The following RTN1 variants were observed in gnomAD, a reference collection of about 807,000 sequenced individuals.
The protein encoded by RTN1 is reticulon 1.
RTN1 carries 25 observed loss-of-function variants against 65.5 expected under a neutral mutation model. That is an observed-to-expected ratio of 0.38 (90% CI 0.28 to 0.53). The LOEUF (loss-of-function observed/expected upper bound fraction) is 0.53, where lower values mean the gene tolerates loss of function less well. RTN1 is among the 20% of genes least tolerant of loss of function. The pLI is 0.79. For synonymous variants in RTN1, 471 were observed against 447.6 expected, an observed-to-expected ratio of 1.05 and a Z score of -0.66; for missense variants, 983 against 1,025.4, an observed-to-expected ratio of 0.96 and a Z score of 0.57.
chr14:59,674,720 G>A (rs557686842), intron 3 of RTN1, among the ~76,000 whole-genome samples: 1 of 152,184 alleles, frequency 6.6e-6, no homozygotes, highest in Admixed American at 6.5e-5. Context: ...TTATACTGTA[G>A]AAAGAAAAAA....
intron 2 of RTN1, among the ~76,000 whole-genome samples, chr14:59,730,189 T>C (rs992433061): frequency 6.6e-6 from 1 of 152,228 alleles, no homozygotes; most frequent in Non-Finnish European, 1.5e-5. Context: ...TGACCTGAAT[T>C]TGAATGCATG....
At chr14:59,837,034 C>CAT (rs71451081) in intron 1 of RTN1, among the ~76,000 whole-genome samples, 1 of 129,054 alleles carries the variant, frequency 7.7e-6, no homozygotes, top group Non-Finnish European at 1.7e-5. Flanking sequence ...TAAGTATGGC[C>CAT]ATATATATAT....
At chr14:59,789,415 A>G (rs1886308051) in intron 1 of RTN1, among the ~76,000 whole-genome samples, 1 of 152,118 alleles carries the variant, frequency 6.6e-6, no homozygotes, top group South Asian at 2.1e-4. Context: ...ATTGAATTTT[A>G]TCAAGTGCCT....
chr14:59,659,580 A>G (rs1196852428), intron 3 of RTN1, among the ~76,000 whole-genome samples: 5 of 152,218 alleles, frequency 3.3e-5, no homozygotes, highest in African/African-American at 1.2e-4. Context: ...AGTGGGGACC[A>G]ATATGCAACA....
rs554766611 is a variant in RTN1 at position 59,830,180 on chromosome 14, T to C, written c.241+40210A>G. ...TCCTTCCTGGAGGCATTACACAGAA[T>C]ATGAATCATTGTGGATAATGCTGGT... On this transcript the variant is annotated intron_variant, in intron 1 of 8. Transcript: ENST00000267484. Among the ~76,000 whole-genome samples the C allele has an allele frequency of 1.3e-3, 194 of 152,326 alleles. 2 individuals carry two copies. The highest frequency in any genetic ancestry group is 3.4e-3 in the Middle Eastern group (1 of 294).
intron 3 of RTN1, among the ~76,000 whole-genome samples, chr14:59,695,621 T>C (rs148561737): frequency 1.3e-5 from 2 of 152,282 alleles, no homozygotes; most frequent in East Asian, 1.9e-4. Context: ...CTACTTCTCA[T>C]TGTAGCCCCT....
chr14:59,747,818 C>T (rs1253926319), intron 1 of RTN1, among the ~76,000 whole-genome samples: 1 of 152,122 alleles, frequency 6.6e-6, no homozygotes, highest in African/African-American at 2.4e-5. Context: ...ACATTACACA[C>T]ACACATATAC....
At chr14:59,691,064 G>C (rs1883950731) in intron 3 of RTN1, among the ~76,000 whole-genome samples, 1 of 152,034 alleles carries the variant, frequency 6.6e-6, no homozygotes, top group Admixed American at 6.6e-5. Flanking sequence ...AAAGCTAGAA[G>C]AGGAAAAGAA....
intron 2 of RTN1, among the ~76,000 whole-genome samples, chr14:59,733,413 G>T (rs943085168): frequency 1.3e-4 from 19 of 151,840 alleles, no homozygotes; most frequent in Non-Finnish European, 1.3e-4. Flanking sequence ...TTTAAGCAGG[G>T]CTCCCATCCA....
In RTN1 at chr14:59,749,577, A is replaced by C. The variant is rs1199904330; in HGVS notation, c.242-3096T>G. On this transcript the variant is annotated intron_variant, in intron 1 of 8. Coordinates refer to ENST00000267484, the MANE Select transcript of RTN1 (RefSeq NM_021136.3). Reference sequence around the variant, plus strand: ...TAGATATCTATATATAGATATATATATATAGATATTTATATATATATCTAT... The same window carrying C: ...TAGATATCTATATATAGATATATATCTATAGATATTTATATATATATCTAT... 1.7e-3 allele frequency among the ~76,000 whole-genome samples: 66 copies of C among 39,052 alleles called. 18 individuals are homozygous for C. Among genetic ancestry groups the C allele is most frequent in the African/African-American group, 0.01 (48 of 4,596 alleles). The allele number at this position is 39,052 out of a possible 152,430, so 25.6% of individuals were successfully genotyped here. A position where few individuals can be genotyped will look rare whatever the true frequency, so the allele number is the denominator to read the frequency against.
At chr14:59,671,423 G>T (rs1033626971) in intron 3 of RTN1, among the ~76,000 whole-genome samples, 2 of 152,094 alleles carry the variant, frequency 1.3e-5, no homozygotes, top group African/African-American at 4.8e-5. Flanking sequence ...AAAGAGCAGA[G>T]AAAAACATTC....
chr14:59,769,260 G>T (rs917048052), intron 1 of RTN1, among the ~76,000 whole-genome samples: 1 of 152,142 alleles, frequency 6.6e-6, no homozygotes, highest in Non-Finnish European at 1.5e-5. Flanking sequence ...TGCAATTTCT[G>T]TTAGGGTACT....
chr14:59,667,439 A>G (rs1883403622), intron 3 of RTN1, among the ~76,000 whole-genome samples: 1 of 152,188 alleles, frequency 6.6e-6, no homozygotes, highest in Non-Finnish European at 1.5e-5. Context: ...TCAATCAACT[A>G]GGTATTGATG....
At chr14:59,664,603 C>A (rs2140209749) in intron 3 of RTN1, among the ~76,000 whole-genome samples, 1 of 152,156 alleles carries the variant, frequency 6.6e-6, no homozygotes, top group East Asian at 1.9e-4. Context: ...TAAACCTATG[C>A]CCATGTGTAT....
At chr14:59,664,672 T>C (rs1364124491) in intron 3 of RTN1, among the ~76,000 whole-genome samples, 1 of 152,210 alleles carries the variant, frequency 6.6e-6, no homozygotes, top group East Asian at 1.9e-4. Context: ...GAGGCCTGCA[T>C]GTATCAACAG....
chr14:59,648,909 T>A (rs1221870862), intron 3 of RTN1, among the ~76,000 whole-genome samples: 1 of 152,044 alleles, frequency 6.6e-6, no homozygotes, highest in Non-Finnish European at 1.5e-5. Context: ...CCACCCCTAT[T>A]CAACATAGTA....
At chr14:59,752,597 C>T (rs769673302) in intron 1 of RTN1, among the ~76,000 whole-genome samples, 24 of 152,160 alleles carry the variant, frequency 1.6e-4, no homozygotes, top group Non-Finnish European at 3.1e-4. Context: ...TTAATTTATA[C>T]TGCTCATGTA....
At chr14:59,710,680 A>G (rs1024634943) in intron 3 of RTN1, among the ~76,000 whole-genome samples, 1 of 152,234 alleles carries the variant, frequency 6.6e-6, no homozygotes, top group African/African-American at 2.4e-5. Context: ...ATGGCCATGC[A>G]CTACAGGCCC....
chr14:59,610,097 C>G (rs1881899533), intron 3 of RTN1: 2 of 776,230 alleles, frequency 2.6e-6, no homozygotes, highest in Non-Finnish European at 4.8e-6. Context: ...TCAAGTGAAT[C>G]CCCTCTGAAT....
Sources: allele counts gnomAD v4.1 joint callset (sites outside exome capture counted in the v4.1 genomes callset), GRCh38; gene constraint gnomAD v4.1.1; transcripts MANE v1.5; gene names NCBI Gene and HGNC (gene_info 2026-07-23, HGNC 2026-07-21).